The following R3HDM1 variants were observed in gnomAD, a reference collection of about 807,000 sequenced individuals.
R3HDM1 encodes the protein R3H domain containing 1.
Under a neutral mutation model 141.1 loss-of-function variants are expected in R3HDM1, and 46 were observed. The ratio of observed to expected loss-of-function variants is 0.33; its 90% confidence interval spans 0.26 to 0.42. R3HDM1 has a LOEUF of 0.42. R3HDM1 is among the 10% of genes least tolerant of loss of function. The pLI is 1.00. For synonymous variants in R3HDM1, 435 were observed against 472.9 expected (o/e 0.92, Z 1.04); for missense variants, 1,184 against 1,368.3 (o/e 0.87, Z 2.12).
intron 16 of R3HDM1, among the ~76,000 whole-genome samples, chr2:135,647,220 C>T (rs899546701): frequency 6.6e-5 from 10 of 152,318 alleles, no homozygotes; most frequent in South Asian, 4.1e-4. Flanking sequence ...ACAATGAGCT[C>T]GCATAAAACT....
Position 135,675,470 on chromosome 2 carries a change from C to T in R3HDM1, c.2291C>T (p.Ser764Leu). The change falls in exon 20 of 27, where the codon TCA becomes TTA. Residue 764 changes from serine to leucine, a missense_variant. Transcript: ENST00000683871. Reference protein sequence around the residue: ...QIQGVVIPYTSVPTYQVSLPQ... With the variant: ...QIQGVVIPYTLVPTYQVSLPQ... Reference sequence around the variant, plus strand: ...CAAGGAGTGGTCATCCCCTATACTTCAGTGCCAACATATCAGGTATATTGT... The same window carrying T: ...CAAGGAGTGGTCATCCCCTATACTTTAGTGCCAACATATCAGGTATATTGT... 1 of 1,613,484 alleles carries T rather than the reference C, an allele frequency of 6.2e-7. No individual in the cohort carries two copies. The highest frequency in any genetic ancestry group is 8.5e-7 in the Non-Finnish European group (1 of 1,179,600).
At chr2:135,590,691 T>C (rs2105060979) in intron 1 of R3HDM1, 1 of 985,432 alleles carries the variant, frequency 1.0e-6, no homozygotes, top group East Asian at 1.1e-4. Context: ...TGAGAGATTG[T>C]GAGCTTTTTA....
intron 19 of R3HDM1, chr2:135,670,305 A>T (rs954894784): frequency 1.0e-6 from 1 of 985,122 alleles, no homozygotes. Context: ...GAGCAGACAC[A>T]GGAAGCTGAC....
At chr2:135,716,052 C>T (rs572277715) in intron 24 of R3HDM1, among the ~76,000 whole-genome samples, 9 of 152,142 alleles carry the variant, frequency 5.9e-5, no homozygotes, top group Non-Finnish European at 8.8e-5. Context: ...CCAGGCCGGG[C>T]GCAGTGGCTT....
intron 1 of R3HDM1, among the ~76,000 whole-genome samples, chr2:135,546,687 A>G (rs1362858619): frequency 2.0e-5 from 3 of 152,082 alleles, no homozygotes; most frequent in Non-Finnish European, 4.4e-5. Flanking sequence ...CTTACTCAGG[A>G]TGGTTTGACC....
At chr2:135,563,775 A>T (rs944196085) in intron 1 of R3HDM1, among the ~76,000 whole-genome samples, 1 of 152,188 alleles carries the variant, frequency 6.6e-6, no homozygotes, top group African/African-American at 2.4e-5. Flanking sequence ...TATATGTGTT[A>T]GTCCATTTTT....
chr2:135,593,681 C>A (rs1199828930), intron 1 of R3HDM1, among the ~76,000 whole-genome samples: 4 of 152,042 alleles, frequency 2.6e-5, no homozygotes, highest in Admixed American at 2.6e-4. Context: ...GTTTAGTCTT[C>A]AGGGTACCAT....
intron 1 of R3HDM1, among the ~76,000 whole-genome samples, chr2:135,573,942 T>G (rs1448648800): frequency 6.6e-6 from 1 of 152,072 alleles, no homozygotes; most frequent in African/African-American, 2.4e-5. Flanking sequence ...CATAAATGAA[T>G]TAAATTTCCA....
intron 19 of R3HDM1, chr2:135,670,157 AACC>A: frequency 1.5e-5 from 5 of 322,696 alleles, no homozygotes; most frequent in Non-Finnish European, 2.2e-5. Flanking sequence ...AAAAAAAAAA[AACC>A]AACAAAAAAG....
intron 17 of R3HDM1, 172 bp from the exon 18 acceptor site, chr2:135,651,558 A>C: frequency 1.1e-6 from 1 of 936,112 alleles, no homozygotes; most frequent in Non-Finnish European, 1.3e-6. Flanking sequence ...ATTCAACAAT[A>C]GAGTTGTCAT....
chr2:135,662,188 C>T (rs2066813512), intron 19 of R3HDM1, among the ~76,000 whole-genome samples: 1 of 152,114 alleles, frequency 6.6e-6, no homozygotes, highest in Non-Finnish European at 1.5e-5. Context: ...TTCTTTAGAG[C>T]TTTCTTAACT....
At chr2:135,547,767 CTTTTTTTTTT>C (rs56950620) in intron 1 of R3HDM1, among the ~76,000 whole-genome samples, 22 of 107,352 alleles carry the variant, frequency 2.0e-4, no homozygotes, top group Admixed American at 1.3e-3. Flanking sequence ...TTTTTCTTTT[CTTTTTTTTTT>C]TTTTTTTTTT....
chr2:135,657,590 C>T (rs1390858269), intron 18 of R3HDM1, among the ~76,000 whole-genome samples: 2 of 151,958 alleles, frequency 1.3e-5, no homozygotes, highest in Non-Finnish European at 2.9e-5. Context: ...AAAAACTAAC[C>T]TAGGAATATT....
chr2:135,716,043 C>T (rs1032114208), intron 24 of R3HDM1, among the ~76,000 whole-genome samples: 3 of 152,098 alleles, frequency 2.0e-5, no homozygotes, highest in African/African-American at 7.2e-5. Flanking sequence ...AAAGTTTATC[C>T]AGGCCGGGCG....
At chr2:135,580,890 T>C (rs1038854987) in intron 1 of R3HDM1, among the ~76,000 whole-genome samples, 12 of 152,194 alleles carry the variant, frequency 7.9e-5, no homozygotes, top group African/African-American at 2.9e-4. Context: ...CTTCTTCTAA[T>C]TCTTTGTCTT....
At chr2:135,595,789 G>A (rs1375497110) in intron 1 of R3HDM1, among the ~76,000 whole-genome samples, 2 of 152,164 alleles carry the variant, frequency 1.3e-5, no homozygotes, top group Admixed American at 6.5e-5. Context: ...TCTGGAGATT[G>A]AGTGAATGGA....
intron 21 of R3HDM1, among the ~76,000 whole-genome samples, chr2:135,692,791 C>T (rs183080773): frequency 1.3e-5 from 2 of 152,092 alleles, no homozygotes; most frequent in East Asian, 1.9e-4. Context: ...GGTGGTGGCA[C>T]CCTCAGCTGT....
rs1356152312 is a variant in R3HDM1, at chr2:135,557,626, C to T, written c.-250+25993C>T. Among the ~76,000 whole-genome samples, 3 of 152,220 alleles carry T rather than the reference C, an allele frequency of 2.0e-5. No homozygotes were observed. The East Asian group carries it at 5.8e-4, about 29-fold the overall frequency. On this transcript the variant is annotated intron_variant, in intron 1 of 26. Coordinates refer to ENST00000683871, the MANE Select transcript of R3HDM1 (RefSeq NM_001378107.1). ...TACTTGGTCCTTATGGCTCTTGATC[C>T]CGATAGCAGTGAGCCAGTGGCAAGG...
chr2:135,582,619 A>G (rs1489513888), intron 1 of R3HDM1, among the ~76,000 whole-genome samples: 2 of 152,144 alleles, frequency 1.3e-5, no homozygotes, highest in Non-Finnish European at 2.9e-5. Flanking sequence ...CCAGAAACCC[A>G]CACTGCGTGG....
Sources: allele counts gnomAD v4.1 joint callset (sites outside exome capture counted in the v4.1 genomes callset), GRCh38; gene constraint gnomAD v4.1.1; transcripts MANE v1.5; gene names NCBI Gene and HGNC (gene_info 2026-07-23, HGNC 2026-07-21).